The following KAZN variants were observed in gnomAD, a reference collection of about 807,000 sequenced individuals.
The protein encoded by KAZN is kazrin.
KAZN carries 40 observed loss-of-function variants against 87.4 expected under a neutral mutation model. That is an observed-to-expected ratio of 0.46 (90% CI 0.36 to 0.60). The LOEUF is 0.60. Among genes scored for constraint, KAZN ranks in the 20% least tolerant of loss-of-function variants. KAZN has a pLI of 0.00. For synonymous variants in KAZN, 466 were observed against 458.3 expected (o/e 1.02, Z -0.22); for missense variants, 898 against 1,073.9 (o/e 0.84, Z 2.29).
chr1:14,787,377 A>G (rs1054615248), intron 1 of KAZN, among the ~76,000 whole-genome samples: 7 of 152,220 alleles, frequency 4.6e-5, no homozygotes, highest in Non-Finnish European at 8.8e-5. Context: ...AGATCTGATC[A>G]GTGACCAAGC....
At chr1:14,840,764 G>A (rs1377132413) in intron 1 of KAZN, among the ~76,000 whole-genome samples, 1 of 152,184 alleles carries the variant, frequency 6.6e-6, no homozygotes, top group African/African-American at 2.4e-5. Flanking sequence ...TATGCAGGGG[G>A]TCATATATGT....
chr1:14,723,888 G>A (rs1189881553), intron 1 of KAZN, among the ~76,000 whole-genome samples: 2 of 152,172 alleles, frequency 1.3e-5, no homozygotes, highest in Non-Finnish European at 2.9e-5. Context: ...ACCCAGAGGT[G>A]ATGAAAAGAG....
At chr1:14,400,116 C>A (rs770489871) in intron 2 of KAZN, among the ~76,000 whole-genome samples, 8 of 152,120 alleles carry the variant, frequency 5.3e-5, no homozygotes, top group Non-Finnish European at 1.2e-4. Flanking sequence ...ACATACTGAA[C>A]CACTTCTATC....
intron 1 of KAZN, among the ~76,000 whole-genome samples, chr1:13,946,784 CT>C (rs1315162772): frequency 6.6e-6 from 1 of 152,190 alleles, no homozygotes; most frequent in African/African-American, 2.4e-5. Flanking sequence ...CTTCCTAGCA[CT>C]GCACCTGAGC....
At chr1:14,566,275 C>T (rs757651782) in intron 2 of KAZN, among the ~76,000 whole-genome samples, 35 of 152,178 alleles carry the variant, frequency 2.3e-4, no homozygotes, top group Non-Finnish European at 4.8e-4. Flanking sequence ...GCCTTGTCAA[C>T]GACCAGTAAT....
intron 4 of KAZN, among the ~76,000 whole-genome samples, chr1:15,053,810 C>T (rs745897808): frequency 1.8e-4 from 28 of 152,232 alleles, no homozygotes; most frequent in Non-Finnish European, 3.1e-4. Flanking sequence ...GTGGTTTTCT[C>T]GGCCAGAGCA....
intron 2 of KAZN, among the ~76,000 whole-genome samples, chr1:14,387,849 G>A (rs1165193402): frequency 6.6e-6 from 1 of 152,144 alleles, no homozygotes; most frequent in Non-Finnish European, 1.5e-5. Context: ...CACCCAGTTC[G>A]AGCTTCCCGG....
intron 2 of KAZN, among the ~76,000 whole-genome samples, chr1:14,440,174 C>T (rs1027047007): frequency 1.3e-5 from 2 of 152,226 alleles, no homozygotes; most frequent in Non-Finnish European, 2.9e-5. Context: ...AATTCAGCCA[C>T]AAAGAAGGTA....
intron 2 of KAZN, among the ~76,000 whole-genome samples, chr1:14,309,283 CAG>C (rs1416083366): frequency 6.6e-6 from 1 of 152,172 alleles, no homozygotes; most frequent in East Asian, 1.9e-4. Context: ...AATTTTAAGT[CAG>C]AGAATTATCA....
chr1:14,638,230 G>T lies in KAZN; in HGVS notation c.226+39007G>T, dbSNP rs995158140. Among the ~76,000 whole-genome samples the T allele has an allele frequency of 7.9e-5, 12 of 151,820 alleles. 1 individual carries two copies. Among genetic ancestry groups the T allele is most frequent in the African/African-American group, 2.4e-4 (10 of 41,172 alleles). ...GAGGTTCCCTGTAGACATGAATTTG[G>T]GGGGGACACCATTCAACCCACAACG... On this transcript the variant is annotated intron_variant, in intron 1 of 14. Transcript: ENST00000376030.
intron 1 of KAZN, among the ~76,000 whole-genome samples, chr1:14,105,686 C>G (rs572353377): frequency 6.6e-6 from 1 of 152,292 alleles, no homozygotes; most frequent in East Asian, 1.9e-4. Flanking sequence ...CTACATCTTC[C>G]AATTAAGACA....
At chr1:14,367,958 G>A (rs36073328) in intron 2 of KAZN, among the ~76,000 whole-genome samples, 25,045 of 152,120 alleles carry the variant, frequency 0.16, 2,447 homozygotes, top group East Asian at 0.42. Flanking sequence ...AAAAATGTAA[G>A]AAGCCTGAAA....
chr1:14,712,496 C>G lies in KAZN; in HGVS notation c.226+113273C>G, dbSNP rs1197597092. The stretch of plus-strand genomic sequence containing the variant: ...GAAGTTTTCGATGCTTTCTGAAAAG[C>G]AGGAGTGCTAACCCTATCTGACTAG... On this transcript the variant is annotated intron_variant, in intron 1 of 14. Transcript: ENST00000376030. Among the ~76,000 whole-genome samples, 3 of 152,304 alleles carry G rather than the reference C, an allele frequency of 2.0e-5. No homozygotes were observed. In the East Asian group the frequency reaches 5.8e-4, roughly 29 times the overall value.
At chr1:15,035,850 T>C (rs1390070004) in intron 3 of KAZN, among the ~76,000 whole-genome samples, 1 of 152,128 alleles carries the variant, frequency 6.6e-6, no homozygotes. Context: ...TTTTCTGCCC[T>C]GCGTAGGCAC....
At chr1:14,043,439 G>T (rs61777721) in intron 1 of KAZN, among the ~76,000 whole-genome samples, 21,408 of 151,906 alleles carry the variant, frequency 0.14, 1,874 homozygotes, top group Middle Eastern at 0.26. Context: ...AGTTATTTTG[G>T]GTATGTACCC....
intron 1 of KAZN, among the ~76,000 whole-genome samples, chr1:14,621,746 AACT>A (rs1393308474): frequency 1.3e-5 from 2 of 152,202 alleles, no homozygotes; most frequent in African/African-American, 4.8e-5. Context: ...CCCCTGCACA[AACT>A]CTGTTGTTTG....
chr1:13,960,295 A>C (rs1203528947), intron 1 of KAZN, among the ~76,000 whole-genome samples: 4 of 152,212 alleles, frequency 2.6e-5, no homozygotes, highest in African/African-American at 9.6e-5. Context: ...GGGGAAACTG[A>C]GGCAGAGAGC....
At chr1:14,727,657 G>C (rs1051348709) in intron 1 of KAZN, among the ~76,000 whole-genome samples, 1 of 151,084 alleles carries the variant, frequency 6.6e-6, no homozygotes, top group African/African-American at 2.4e-5. Context: ...GTAGAGACAG[G>C]GTTTCTCCAT....
intron 4 of KAZN, 71 bp downstream of exon 4, chr1:15,044,230 GCACCGACTCACATC>G: frequency 1.6e-6 from 1 of 634,524 alleles, no homozygotes. Context: ...GGGACGTCTG[GCACCGACTCACATC>G]GGAGACCTAG....
Sources: gnomAD v4.1 joint callset for allele counts (sites outside exome capture counted in the v4.1 genomes callset) on GRCh38, gnomAD v4.1.1 for gene constraint, MANE v1.5 for transcripts, NCBI Gene and HGNC (gene_info 2026-07-23, HGNC 2026-07-21) for gene names.